SCHIP1: variants seen among roughly 807,000 people sequenced by gnomAD.
The protein encoded by SCHIP1 is schwannomin-interacting protein 1.
Under a neutral mutation model 29.7 loss-of-function variants are expected in SCHIP1, and 8 were observed. That is an observed-to-expected ratio of 0.27 (90% CI 0.16 to 0.49). The LOEUF is 0.49. SCHIP1 is among the 20% of genes least tolerant of loss of function. The pLI is 0.99. For synonymous variants in SCHIP1, 76 were observed against 94.9 expected, an observed-to-expected ratio of 0.80 and a Z score of 1.16; for missense variants, 193 against 294.6, an observed-to-expected ratio of 0.66 and a Z score of 2.52.
At chr3:159,495,640 C>T in the SCHIP1 span, among the ~76,000 whole-genome samples, 1 of 152,202 alleles carries the variant, frequency 6.6e-6, no homozygotes, top group Non-Finnish European at 1.5e-5. Flanking sequence ...ATTCCATGCT[C>T]ATGGGTAGGA....
chr3:159,548,872 C>T, the SCHIP1 span, among the ~76,000 whole-genome samples: 1 of 152,014 alleles, frequency 6.6e-6, no homozygotes, highest in Non-Finnish European at 1.5e-5. Context: ...TCTGAGTTAT[C>T]TCAGGTTTAG....
the SCHIP1 span, among the ~76,000 whole-genome samples, chr3:159,508,564 T>C: frequency 6.6e-6 from 1 of 152,206 alleles, no homozygotes; most frequent in Non-Finnish European, 1.5e-5. Flanking sequence ...GATGTTAGGG[T>C]GTCAATTTTA....
chr3:159,589,565 T>G, the SCHIP1 span, among the ~76,000 whole-genome samples: 263 of 151,904 alleles, frequency 1.7e-3, 1 homozygote, highest in African/African-American at 6.1e-3. Flanking sequence ...TGCTTCCAGT[T>G]TTTGCCCATT....
the SCHIP1 span, among the ~76,000 whole-genome samples, chr3:159,645,281 G>A: frequency 1.3e-5 from 2 of 152,128 alleles, no homozygotes; most frequent in Middle Eastern, 3.4e-3. Context: ...CTCTGATCAG[G>A]CTTATCTAAA....
the SCHIP1 span, among the ~76,000 whole-genome samples, chr3:159,440,084 TGTAAGGAAGG>T: frequency 6.6e-6 from 1 of 152,162 alleles, no homozygotes; most frequent in African/African-American, 2.4e-5. Flanking sequence ...TTGCATATGG[TGTAAGGAAGG>T]GATCCAGTTT....
chr3:159,537,778 A>G, the SCHIP1 span, among the ~76,000 whole-genome samples: 1 of 152,184 alleles, frequency 6.6e-6, no homozygotes, highest in Non-Finnish European at 1.5e-5. Context: ...GTATTTTTAT[A>G]AAAAATAGAA....
the SCHIP1 span, among the ~76,000 whole-genome samples, chr3:159,622,714 C>T: frequency 6.6e-6 from 1 of 152,006 alleles, no homozygotes; most frequent in East Asian, 1.9e-4. Flanking sequence ...GTCAGGAGAT[C>T]GAGCCCATCC....
the SCHIP1 span, among the ~76,000 whole-genome samples, chr3:159,571,050 C>T: frequency 7.8e-4 from 118 of 152,144 alleles, no homozygotes; most frequent in Middle Eastern, 6.8e-3. Context: ...GCTGAGACGA[C>T]GGGGTTTTCT....
chr3:159,839,929 C>T, exon 1 of SCHIP1: 1 of 1,407,522 alleles, frequency 7.1e-7, no homozygotes, highest in Non-Finnish European at 9.2e-7. Context: ...CCAGCCCGGT[C>T]CCAGCTCCAT....
At chr3:159,410,721 C>T in the SCHIP1 span, among the ~76,000 whole-genome samples, 1 of 152,038 alleles carries the variant, frequency 6.6e-6, no homozygotes, top group African/African-American at 2.4e-5. Flanking sequence ...TTTGGAGATT[C>T]CTCAGAAAAT....
the SCHIP1 span, among the ~76,000 whole-genome samples, chr3:159,755,495 C>T: frequency 6.6e-6 from 1 of 152,220 alleles, no homozygotes; most frequent in African/African-American, 2.4e-5. Context: ...TCCCACAACA[C>T]ATGGGAATTA....
At chr3:159,793,325 A>G in the SCHIP1 span, among the ~76,000 whole-genome samples, 2 of 152,172 alleles carry the variant, frequency 1.3e-5, no homozygotes, top group African/African-American at 4.8e-5. Context: ...CCACTGGCGT[A>G]AAGGATAAAG....
At chr3:159,764,618 C>A in the SCHIP1 span, 3 of 1,608,672 alleles carry the variant, frequency 1.9e-6, no homozygotes, top group Non-Finnish European at 2.5e-6. The surrounding 1 kb of genome is among the most constrained non-coding windows in gnomAD (Gnocchi z 6.1). Flanking sequence ...TATGAGGAGC[C>A]CTTCCCGGTC....
chr3:159,768,241 C>T, the SCHIP1 span: 1 of 152,196 alleles, frequency 6.6e-6, no homozygotes, highest in East Asian at 1.9e-4. Flanking sequence ...TGACAAGTCT[C>T]TTATTGCACT....
the SCHIP1 span, among the ~76,000 whole-genome samples, chr3:159,720,119 A>G: frequency 5.3e-5 from 8 of 151,972 alleles, no homozygotes; most frequent in Non-Finnish European, 7.4e-5. Flanking sequence ...TGAGCAAACT[A>G]TCTCAAGGAC....
the SCHIP1 span, among the ~76,000 whole-genome samples, chr3:159,597,670 T>C: frequency 6.6e-6 from 1 of 152,194 alleles, no homozygotes; most frequent in African/African-American, 2.4e-5. Context: ...ATTTTATCCA[T>C]TCACGCATTG....
chr3:159,383,284 A>G, the SCHIP1 span, among the ~76,000 whole-genome samples: 3 of 151,876 alleles, frequency 2.0e-5, no homozygotes, highest in African/African-American at 2.4e-5. Flanking sequence ...TAATTTTTGT[A>G]TAAGATGTAA....
the SCHIP1 span, among the ~76,000 whole-genome samples, chr3:159,461,429 A>G: frequency 1.8e-4 from 27 of 152,144 alleles, 2 homozygotes; most frequent in Admixed American, 1.8e-3. Flanking sequence ...GCAGCCACTG[A>G]AAACAAGTGG....
chr3:159,632,987 A>T, the SCHIP1 span, among the ~76,000 whole-genome samples: 1 of 152,198 alleles, frequency 6.6e-6, no homozygotes, highest in Admixed American at 6.5e-5. Flanking sequence ...TAGTTCAGTT[A>T]TAGCCCCAGG....
Sources: gnomAD v4.1 joint callset for allele counts (sites outside exome capture counted in the v4.1 genomes callset) on GRCh38, gnomAD v4.1.1 for gene constraint, Gnocchi (gnomAD v3.1) non-coding constraint, MANE v1.5 for transcripts, NCBI Gene and HGNC (gene_info 2026-07-23, HGNC 2026-07-21) for gene names.